Variants in ZNF83 observed in about 807,000 individuals in gnomAD.
ZNF83 encodes zinc finger protein 816B.
For missense variants in ZNF83, 552 were observed against 629.9 expected (o/e 0.88, Z 1.32); for synonymous variants, 209 against 213.0 (o/e 0.98, Z 0.17).
chr19:52,627,311 T>C (rs585516), intron 2 of ZNF83, among the ~76,000 whole-genome samples: 64,867 of 151,470 alleles, frequency 0.43, 14,129 homozygotes, highest in Admixed American at 0.57. Context: ...CAGACGAGCA[T>C]GACACTGCAG....
At chr19:52,684,774 A>G (rs142624893) in intron 1 of ZNF83, among the ~76,000 whole-genome samples, 3 of 152,178 alleles carry the variant, frequency 2.0e-5, no homozygotes, top group African/African-American at 7.2e-5. Flanking sequence ...GACCTGAGAC[A>G]GAAAAGGTTT....
At chr19:52,643,957 C>T (rs2061340460) in intron 3 of ZNF83, among the ~76,000 whole-genome samples, 1 of 152,146 alleles carries the variant, frequency 6.6e-6, no homozygotes, top group Admixed American at 6.5e-5. Flanking sequence ...AGGGCAAGTT[C>T]CCAGGAGGAA....
chr19:52,681,198 T>C (rs1264884386), intron 1 of ZNF83, among the ~76,000 whole-genome samples: 2 of 143,438 alleles, frequency 1.4e-5, no homozygotes, highest in Admixed American at 1.5e-4. Flanking sequence ...GGTAGGAGAA[T>C]CTCGAGCCCA....
chr19:52,664,712 A>C (rs1042672441), intron 1 of ZNF83, among the ~76,000 whole-genome samples: 2 of 45,536 alleles, frequency 4.4e-5, no homozygotes, highest in Non-Finnish European at 8.4e-5. Flanking sequence ...GTGGGGCCTG[A>C]GTGAGGCCAG....
upstream of ZNF83, among the ~76,000 whole-genome samples, chr19:52,641,669 T>C (rs1460040258): frequency 6.6e-6 from 1 of 152,148 alleles, no homozygotes; most frequent in Non-Finnish European, 1.5e-5. Flanking sequence ...GGAACTGATT[T>C]TGTGCTAGTT....
At chr19:52,655,462 A>G in intron 3 of ZNF83, 1 of 1,133,502 alleles carries the variant, frequency 8.8e-7, no homozygotes, top group South Asian at 1.4e-5. Context: ...GTACATCAAA[A>G]GCATGTATGC....
intron 3 of ZNF83, among the ~76,000 whole-genome samples, chr19:52,645,763 T>C (rs2061364271): frequency 6.7e-6 from 1 of 150,096 alleles, no homozygotes; most frequent in Admixed American, 6.7e-5. Context: ...GCCAAGATCA[T>C]GCCACTGCAC....
At chr19:52,647,510 G>T (rs915170339) in intron 3 of ZNF83, among the ~76,000 whole-genome samples, 2 of 151,872 alleles carry the variant, frequency 1.3e-5, no homozygotes, top group Non-Finnish European at 2.9e-5. Context: ...TCAAACTCCT[G>T]GACTCAGGCA....
At chr19:52,680,651 C>T (rs1337386035) in intron 1 of ZNF83, among the ~76,000 whole-genome samples, 8 of 124,276 alleles carry the variant, frequency 6.4e-5, no homozygotes, top group Non-Finnish European at 1.1e-4. Context: ...CTCGCTCTGT[C>T]GCCCAGGCTG....
chr19:52,620,402 C>T (rs2060500215), intron 2 of ZNF83, among the ~76,000 whole-genome samples: 1 of 151,766 alleles, frequency 6.6e-6, no homozygotes, highest in African/African-American at 2.4e-5. Context: ...AGGAGATTAC[C>T]CATCCTAGAA....
intron 2 of ZNF83, chr19:52,617,833 C>T (rs1024226120): frequency 6.6e-6 from 1 of 152,322 alleles, no homozygotes; most frequent in African/African-American, 2.4e-5. Context: ...TAGAAAGAGA[C>T]TCCTGCTTAT....
chr19:52,682,478 C>T (rs1194397723), intron 1 of ZNF83, among the ~76,000 whole-genome samples: 2 of 152,084 alleles, frequency 1.3e-5, no homozygotes, highest in African/African-American at 4.8e-5. Flanking sequence ...CAAGACCAGC[C>T]TGGCCAACAT....
At chr19:52,626,393 T>C (rs2060738007) in intron 2 of ZNF83, among the ~76,000 whole-genome samples, 1 of 152,212 alleles carries the variant, frequency 6.6e-6, no homozygotes, top group Non-Finnish European at 1.5e-5. Context: ...ATGAAGAGTA[T>C]TGTTTTTACG....
chr19:52,637,741 C>A (rs761727958), intron 1 of ZNF83, among the ~76,000 whole-genome samples: 1 of 152,130 alleles, frequency 6.6e-6, no homozygotes, highest in Non-Finnish European at 1.5e-5. Context: ...GCTGGGCAGG[C>A]AAGAACACCC....
At chr19:52,661,526 A>G (rs576529187) in intron 1 of ZNF83, among the ~76,000 whole-genome samples, 1 of 152,212 alleles carries the variant, frequency 6.6e-6, no homozygotes, top group Non-Finnish European at 1.5e-5. Flanking sequence ...GAGAATCACC[A>G]GCGCCATCGT....
At position 52,676,470 on chromosome 19, in the gene ZNF83, GC is replaced by G. The variant is rs535736926; in HGVS notation, c.-283+13972del. 4.0e-3 allele frequency among the ~76,000 whole-genome samples: 609 copies of G among 151,826 alleles called. 1 individual carries two copies. The highest frequency in any genetic ancestry group is 0.014 in the African/African-American group (585 of 41,426). ...TCTGGGATGTGAGGAGCCTGCCCCG[GC>G]CCGGCTAGCCTCCCCGTCCGGGAGG... On this transcript the variant is annotated intron_variant, in intron 1 of 5. Coordinates refer to the ZNF83 transcript ENST00000594682.
intron 2 of ZNF83, among the ~76,000 whole-genome samples, chr19:52,631,193 T>C (rs1276193948): frequency 2.7e-5 from 4 of 150,802 alleles, no homozygotes; most frequent in Non-Finnish European, 5.9e-5. Flanking sequence ...CTTCCTCATC[T>C]GTTACCTATC....
At chr19:52,613,417 CTGAA>C in exon 3 of ZNF83, 1 of 1,613,704 alleles carries the variant, frequency 6.2e-7, no homozygotes, top group Non-Finnish European at 8.5e-7. Flanking sequence ...TGAATTTTGA[CTGAA>C]TGCTTTGTCA....
At chr19:52,642,830 G>A (rs1237052122), upstream of ZNF83, among the ~76,000 whole-genome samples, 1 of 152,052 alleles carries the variant, frequency 6.6e-6, no homozygotes, top group East Asian at 1.9e-4. Flanking sequence ...AGACCAACCT[G>A]GTCAACATGG....
Sources: allele counts gnomAD v4.1 joint callset (sites outside exome capture counted in the v4.1 genomes callset), GRCh38; gene constraint gnomAD v4.1.1; transcripts MANE v1.5; gene names NCBI Gene and HGNC (gene_info 2026-07-23, HGNC 2026-07-21).